BMPR2: variants seen among roughly 807,000 people sequenced by gnomAD.
BMPR2 encodes bone morphogenetic protein receptor type-2.
In BMPR2, 29 loss-of-function variants were observed where a neutral mutation model predicts 100.8. The ratio of observed to expected loss-of-function variants is 0.29; its 90% CI spans 0.21 to 0.39. The LOEUF is 0.39. Ranked by LOEUF, BMPR2 falls within the 10% of genes least tolerant of loss-of-function variation. BMPR2 has a pLI of 1.00. For synonymous variants in BMPR2, 382 were observed against 442.3 expected (o/e 0.86, Z 1.71); for missense variants, 1,011 against 1,274.5 (o/e 0.79, Z 3.15).
At chr2:202,415,643 A>T (rs1691111789) in intron 1 of BMPR2, among the ~76,000 whole-genome samples, 1 of 152,210 alleles carries the variant, frequency 6.6e-6, no homozygotes, top group Non-Finnish European at 1.5e-5. Flanking sequence ...TAAGAATTAT[A>T]CTAAATATGC....
intron 1 of BMPR2, among the ~76,000 whole-genome samples, chr2:202,384,511 T>C (rs1690375415): frequency 7.2e-6 from 1 of 138,112 alleles, no homozygotes; most frequent in Admixed American, 7.3e-5. Context: ...GAAATTTCAG[T>C]TTCTTTCTTT....
chr2:202,457,331 T>G (rs570681810), intron 1 of BMPR2, among the ~76,000 whole-genome samples: 25 of 144,740 alleles, frequency 1.7e-4, no homozygotes, highest in African/African-American at 3.0e-4. Context: ...TGATTAAGGG[T>G]TTTTTTTTTG....
rs1307643901 is a variant in BMPR2 at position 202,403,980 on chromosome 2, GGA to G, written c.76+26431_76+26432del. Among the ~76,000 whole-genome samples the G allele has an allele frequency of 2.0e-5, 3 of 148,566 alleles. No homozygotes were observed. In the East Asian group the frequency reaches 5.9e-4, roughly 29 times the overall value. Reference sequence around the variant, plus strand: ...AGATTGTGCTATTGCACTATAGCCTGGACAACAACAGCAAAACTCCGTCTCAA... The same window carrying G: ...AGATTGTGCTATTGCACTATAGCCTGCAACAACAGCAAAACTCCGTCTCAA... On this transcript the variant is annotated intron_variant, in intron 1 of 12. Coordinates refer to ENST00000374580, the MANE Select transcript of BMPR2 (RefSeq NM_001204.7).
intron 1 of BMPR2, among the ~76,000 whole-genome samples, chr2:202,382,179 C>T (rs1690315721): frequency 6.6e-6 from 1 of 151,490 alleles, no homozygotes; most frequent in East Asian, 1.9e-4. Context: ...CCTGCCTCAG[C>T]CTCCCGAGTA....
At chr2:202,478,699 A>C (rs568581428) in intron 3 of BMPR2, among the ~76,000 whole-genome samples, 11 of 152,338 alleles carry the variant, frequency 7.2e-5, no homozygotes, top group Non-Finnish European at 1.5e-4. Flanking sequence ...ACTTGAGCCC[A>C]GCAGTTTCAA....
chr2:202,412,540 T>C (rs1322350146), intron 1 of BMPR2, among the ~76,000 whole-genome samples: 1 of 152,078 alleles, frequency 6.6e-6, no homozygotes, highest in African/African-American at 2.4e-5. Flanking sequence ...AGGATGGTCT[T>C]GATCTCCTGA....
At chr2:202,485,545 C>CTTTTTTTTGTTTTTTTTTTTT (rs1692757382) in intron 3 of BMPR2, among the ~76,000 whole-genome samples, 1 of 64,010 alleles carries the variant, frequency 1.6e-5, no homozygotes, top group Non-Finnish European at 2.7e-5. Flanking sequence ...TTGCCTTTAT[C>CTTTTTTTTGTTTTTTTTTTTT]TTTTTTTTTT....
At chr2:202,536,838 C>G (rs1688168662) in intron 9 of BMPR2, among the ~76,000 whole-genome samples, 1 of 147,106 alleles carries the variant, frequency 6.8e-6, no homozygotes, top group South Asian at 2.1e-4. Flanking sequence ...CCATTGCACT[C>G]CAGCCTGGGC....
chr2:202,535,659 C>G (rs1207083035), intron 9 of BMPR2, among the ~76,000 whole-genome samples: 1 of 151,658 alleles, frequency 6.6e-6, no homozygotes, highest in Non-Finnish European at 1.5e-5. Context: ...CAGGCAGAGA[C>G]GCTCCTCACT....
chr2:202,379,044 G>A lies in BMPR2; in HGVS notation c.76+1494G>A, dbSNP rs534407251. On this transcript the variant is annotated intron_variant, in intron 1 of 12. Transcript: ENST00000374580. The stretch of plus-strand genomic sequence containing the variant: ...TAAAAATAAACTTAATTTTTGTTTG[G>A]TAATACAATCATCTTAGAATAGTGT... Among the ~76,000 whole-genome samples the A allele has an allele frequency of 2.0e-4, 30 of 152,258 alleles. 1 individual carries two copies. The South Asian group carries it at 6.2e-3, about 32-fold the overall frequency.
chr2:202,451,898 A>T (rs1418778448), intron 1 of BMPR2, among the ~76,000 whole-genome samples: 2 of 151,796 alleles, frequency 1.3e-5, no homozygotes, highest in African/African-American at 4.8e-5. Context: ...TACAGTCATG[A>T]GCCACCACTC....
At chr2:202,538,897 T>G (rs752899076) in intron 9 of BMPR2, among the ~76,000 whole-genome samples, 2 of 152,100 alleles carry the variant, frequency 1.3e-5, no homozygotes, top group African/African-American at 2.4e-5. Context: ...CTAAATAAAT[T>G]TTTAAAGACA....
chr2:202,532,571 C>T lies in BMPR2; in HGVS notation c.1129-14C>T. 6.2e-7 allele frequency: 1 copy of T among 1,613,378 alleles called. No homozygotes were observed. The highest frequency in any genetic ancestry group is 2.2e-5 in the East Asian group (1 of 44,836). On this transcript the variant is annotated splice_polypyrimidine_tract_variant and intron_variant, in intron 8 of 12. Transcript: ENST00000374580. The surrounding 1 kb of genome is among the most constrained non-coding windows in gnomAD (Gnocchi z 4.1). ...TACGTTCTCTCTCTAAAAAATATCA[C>T]TCTAATTTATCAGGTTGGCACTATC... is the stretch of plus-strand genomic sequence containing the variant.
chr2:202,486,482 AC>A (rs1265295934), intron 3 of BMPR2, among the ~76,000 whole-genome samples: 3 of 151,996 alleles, frequency 2.0e-5, no homozygotes, highest in African/African-American at 7.3e-5. Flanking sequence ...ATACAAAAAA[AC>A]TTAGCCTGCC....
chr2:202,538,527 C>T (rs558333967), intron 9 of BMPR2, among the ~76,000 whole-genome samples: 78 of 152,138 alleles, frequency 5.1e-4, no homozygotes, highest in African/African-American at 1.5e-3. Context: ...CACAGTGGCT[C>T]ACACCTGTAA....
Position 202,446,552 on chromosome 2 carries a change from A to G in BMPR2, c.77-18257A>G, listed in dbSNP as rs1691853122. Among the ~76,000 whole-genome samples the G allele has an allele frequency of 1.3e-5, 2 of 150,280 alleles. 1 individual carries two copies. The highest frequency in any genetic ancestry group is 5.0e-5 in the African/African-American group (2 of 39,642). On this transcript the variant is annotated intron_variant, in intron 1 of 12. Coordinates refer to ENST00000374580, the MANE Select transcript of BMPR2 (RefSeq NM_001204.7). ...TATTGGGCATTCATTTCAATATAGT[A>G]TTAGTGTAACAGAGCAAAGAGTATA...
At chr2:202,396,831 C>G (rs2105907461) in intron 1 of BMPR2, among the ~76,000 whole-genome samples, 1 of 152,016 alleles carries the variant, frequency 6.6e-6, no homozygotes, top group Non-Finnish European at 1.5e-5. Context: ...GAGTTTCGCT[C>G]TTCTTGCCCA....
At chr2:202,420,405 C>T (rs1691232401) in intron 1 of BMPR2, among the ~76,000 whole-genome samples, 1 of 152,050 alleles carries the variant, frequency 6.6e-6, no homozygotes. Context: ...AACATTCAGA[C>T]TCCTTTCTAA....
chr2:202,433,640 T>C lies in BMPR2; in HGVS notation c.77-31169T>C, dbSNP rs905247949. On this transcript the variant is annotated intron_variant, in intron 1 of 12. Transcript: ENST00000374580. ...AAAGGACAGGACAGGCCGGGCATGA[T>C]GGCTCATGCCTGTAATCCCAGCACT... Among the ~76,000 whole-genome samples, 5 of 150,570 alleles carry C rather than the reference T, an allele frequency of 3.3e-5. 1 individual carries two copies. Among genetic ancestry groups the C allele is most frequent in the African/African-American group, 1.3e-4 (5 of 39,944 alleles).
Sources: allele counts gnomAD v4.1 joint callset (sites outside exome capture counted in the v4.1 genomes callset), GRCh38; gene constraint gnomAD v4.1.1; non-coding constraint Gnocchi (gnomAD v3.1); transcripts MANE v1.5; gene names NCBI Gene and HGNC (gene_info 2026-07-23, HGNC 2026-07-21).